MDFIC: variants seen among roughly 807,000 people sequenced by gnomAD.
The protein encoded by MDFIC is MyoD family inhibitor domain containing.
MDFIC carries 17 observed loss-of-function variants against 23.2 expected under a neutral mutation model. The ratio of observed to expected loss-of-function variants is 0.73; its 90% CI spans 0.50 to 1.10. The LOEUF is 1.10. Among genes scored for constraint, MDFIC ranks in the 50% least tolerant of loss-of-function variants. The pLI, the probability that MDFIC is intolerant of heterozygous loss-of-function variation, is 0.00. For synonymous variants in MDFIC, 120 were observed against 115.2 expected (o/e 1.04, Z -0.27); for missense variants, 356 against 316.6 (o/e 1.12, Z -0.95).
At chr7:115,013,655 A>G (rs974870426) in intron 4 of MDFIC, among the ~76,000 whole-genome samples, 5 of 152,216 alleles carry the variant, frequency 3.3e-5, no homozygotes, top group African/African-American at 1.2e-4. Context: ...GTTAAACACT[A>G]TCTTCTAAGT....
intron 3 of MDFIC, among the ~76,000 whole-genome samples, chr7:114,949,607 A>G (rs777372235): frequency 3.9e-5 from 6 of 152,218 alleles, no homozygotes; most frequent in Non-Finnish European, 7.3e-5. Context: ...TTACATGAAG[A>G]CTGAATGCTT....
chr7:114,948,803 T>C lies in MDFIC; in HGVS notation c.217+6406T>C, dbSNP rs530360256. Among the ~76,000 whole-genome samples, 14 of 152,320 alleles carry C rather than the reference T, an allele frequency of 9.2e-5. No individual in the cohort carries two copies. In the South Asian group the frequency reaches 2.7e-3, roughly 29 times the overall value. On this transcript the variant is annotated intron_variant, in intron 3 of 4. Coordinates refer to ENST00000393486, the MANE Select transcript of MDFIC (RefSeq NM_001166345.3). Reference sequence around the variant, plus strand: ...CATATTTACCTCTAGTTCTCTGGAATTGTAAATTGGAATTTGCTCATGGAT... The same window carrying C: ...CATATTTACCTCTAGTTCTCTGGAACTGTAAATTGGAATTTGCTCATGGAT...
chr7:114,951,586 G>C (rs1051157407), intron 3 of MDFIC, among the ~76,000 whole-genome samples: 2 of 152,036 alleles, frequency 1.3e-5, no homozygotes, highest in African/African-American at 4.8e-5. Flanking sequence ...TACCTTTAGG[G>C]AGTTATATGA....
intron 4 of MDFIC, among the ~76,000 whole-genome samples, chr7:114,981,916 A>C (rs948433566): frequency 2.6e-5 from 4 of 152,230 alleles, no homozygotes; most frequent in East Asian, 1.9e-4. Context: ...CAAAACCAAA[A>C]CAAAACAAAA....
rs939764335 is a variant in MDFIC at position 114,923,068 on chromosome 7, C to T, written c.35C>T (p.Pro12Leu). The change falls in exon 2 of 5, where the codon CCC becomes CTC. Residue 12 changes from proline to leucine, a missense_variant. Pro to Leu is a moderately conservative substitution (Grantham distance 98). Coordinates refer to ENST00000393486, the MANE Select transcript of MDFIC (RefSeq NM_001166345.3). ...GCGGGCGAAGCCCTCGCTCCCGGGC[C>T]CGTGGGGCCGCAGCGCGTGGCCGAG... ...SGAGEALAPG[P>L]VGPQRVAEAG... is the part of the protein sequence containing the mutation. The T allele has an allele frequency of 9.3e-6, 13 of 1,403,024 alleles. No individual in the cohort carries two copies. The highest frequency in any genetic ancestry group is 1.2e-5 in the Non-Finnish European group (13 of 1,079,800). The allele number at this position is 1,403,024 out of a possible 1,614,324, so 86.9% of individuals were successfully genotyped here. A position where few individuals can be genotyped will look rare whatever the true frequency, so the allele number is the denominator to read the frequency against.
intron 3 of MDFIC, among the ~76,000 whole-genome samples, chr7:114,965,039 T>C (rs1793070524): frequency 6.6e-6 from 1 of 152,130 alleles, no homozygotes; most frequent in South Asian, 2.1e-4. Flanking sequence ...CAAATTTTGC[T>C]CTAGAGGCAG....
chr7:114,923,184 G>T, intron 2 of MDFIC, 57 bp downstream of exon 2: 1 of 1,524,142 alleles, frequency 6.6e-7, no homozygotes, highest in African/African-American at 1.4e-5. Flanking sequence ...TTTTCAGTTT[G>T]CTCACAAGTG....
At chr7:114,925,192 A>AAT (rs962290988) in intron 2 of MDFIC, among the ~76,000 whole-genome samples, 12 of 151,910 alleles carry the variant, frequency 7.9e-5, no homozygotes, top group East Asian at 1.9e-4. Context: ...TGCAAAGTTA[A>AAT]ATATATATAT....
At chr7:115,008,483 T>A (rs2116119425) in intron 4 of MDFIC, among the ~76,000 whole-genome samples, 1 of 152,308 alleles carries the variant, frequency 6.6e-6, no homozygotes, top group African/African-American at 2.4e-5. Context: ...GTTGACTGGA[T>A]TCTGGCTAAG....
At chr7:114,955,540 G>T (rs1389525168) in intron 3 of MDFIC, among the ~76,000 whole-genome samples, 1 of 152,142 alleles carries the variant, frequency 6.6e-6, no homozygotes, top group Non-Finnish European at 1.5e-5. Flanking sequence ...GTTCCTTAAG[G>T]GTAAGATTGG....
intron 3 of MDFIC, among the ~76,000 whole-genome samples, chr7:114,952,637 G>A (rs1792799957): frequency 1.3e-5 from 2 of 152,038 alleles, no homozygotes; most frequent in Non-Finnish European, 2.9e-5. Flanking sequence ...GTTCTGCTTT[G>A]GAACATTCTT....
At chr7:115,009,093 A>T (rs1459852221) in intron 4 of MDFIC, among the ~76,000 whole-genome samples, 1 of 152,214 alleles carries the variant, frequency 6.6e-6, no homozygotes, top group Non-Finnish European at 1.5e-5. Flanking sequence ...TTGGCATATT[A>T]TTGGCCTGTT....
intron 3 of MDFIC, among the ~76,000 whole-genome samples, chr7:114,962,540 A>G (rs1396407040): frequency 6.6e-6 from 1 of 152,182 alleles, no homozygotes; most frequent in Non-Finnish European, 1.5e-5. Context: ...TGTTTCCAGT[A>G]TTAGAATTAT....
At chr7:114,934,198 CAA>C (rs1792382848) in intron 2 of MDFIC, among the ~76,000 whole-genome samples, 1 of 152,116 alleles carries the variant, frequency 6.6e-6, no homozygotes, top group Non-Finnish European at 1.5e-5. Context: ...TGCTGTGCCT[CAA>C]GGTCAATCAT....
chr7:114,936,872 T>C lies in MDFIC; in HGVS notation c.95-5403T>C, dbSNP rs557674479. On this transcript the variant is annotated intron_variant, in intron 2 of 4. Coordinates refer to ENST00000393486, the MANE Select transcript of MDFIC (RefSeq NM_001166345.3). ...CTTTGAAAACCATTAATATTGTAAT[T>C]GTGAACATTGATTAATTTATTCTTT... Among the ~76,000 whole-genome samples, 154 of 152,054 alleles carry C rather than the reference T, an allele frequency of 1.0e-3. 1 individual carries two copies. Among genetic ancestry groups the C allele is most frequent in the African/African-American group, 3.5e-3 (143 of 41,368 alleles).
At chr7:114,962,164 T>G (rs543910793) in intron 3 of MDFIC, among the ~76,000 whole-genome samples, 38 of 152,298 alleles carry the variant, frequency 2.5e-4, no homozygotes, top group African/African-American at 8.9e-4. Context: ...CTCTTGTAAT[T>G]TAAAGATAGC....
At chr7:114,954,585 G>T (rs1351911131) in intron 3 of MDFIC, among the ~76,000 whole-genome samples, 1 of 152,072 alleles carries the variant, frequency 6.6e-6, no homozygotes, top group Non-Finnish European at 1.5e-5. Context: ...TTCCATTTTG[G>T]GTTCATTATT....
chr7:114,969,201 C>T (rs1185524166), intron 3 of MDFIC, among the ~76,000 whole-genome samples: 3 of 152,176 alleles, frequency 2.0e-5, no homozygotes, highest in African/African-American at 7.2e-5. Context: ...ACACTTCCGC[C>T]ATCCTCATAT....
intron 3 of MDFIC, among the ~76,000 whole-genome samples, chr7:114,955,639 T>C (rs1393466279): frequency 1.3e-5 from 2 of 152,222 alleles, no homozygotes; most frequent in African/African-American, 2.4e-5. Flanking sequence ...AATTGTTGAA[T>C]AAATGAAAGT....
Sources: allele counts gnomAD v4.1 joint callset (sites outside exome capture counted in the v4.1 genomes callset), GRCh38; gene constraint gnomAD v4.1.1; transcripts MANE v1.5; gene names NCBI Gene and HGNC (gene_info 2026-07-23, HGNC 2026-07-21).